The following CNTN4 variants were observed in gnomAD, a reference collection of about 807,000 sequenced individuals.
The protein encoded by CNTN4 is contactin-4.
In CNTN4, 77 loss-of-function variants were observed where a neutral mutation model predicts 122.5. The ratio of observed to expected loss-of-function variants is 0.63; its 90% CI spans 0.52 to 0.76. The LOEUF (loss-of-function observed/expected upper bound fraction) is 0.76, where lower values mean the gene tolerates loss of function less well. CNTN4 is among the 30% of genes least tolerant of loss of function. CNTN4 has a pLI of 0.00. For synonymous variants in CNTN4, 512 were observed against 447.0 expected (o/e 1.15, Z -1.83); for missense variants, 1,256 against 1,259.1 (o/e 1.00, Z 0.04).
chr3:2,749,199 C>T (rs529082700), intron 6 of CNTN4, among the ~76,000 whole-genome samples: 108 of 152,046 alleles, frequency 7.1e-4, no homozygotes, highest in African/African-American at 2.3e-3. Flanking sequence ...AGTCTTGCTC[C>T]GTCGCCCTAG....
chr3:2,311,521 A>G (rs1437895938), intron 2 of CNTN4, among the ~76,000 whole-genome samples: 1 of 152,102 alleles, frequency 6.6e-6, no homozygotes, highest in East Asian at 1.9e-4. Flanking sequence ...AATCATCTGA[A>G]GTAAAAGTAG....
chr3:2,592,603 C>T lies in CNTN4; in HGVS notation c.55+21045C>T, dbSNP rs73110658. Among the ~76,000 whole-genome samples, 9,969 of 152,198 alleles carry T rather than the reference C, an allele frequency of 0.066. 370 individuals carry two copies. Among genetic ancestry groups the T allele is most frequent in the South Asian group, 0.14 (654 of 4,818 alleles). ...CTCTGCACAAACTCTCTCTTTTTGCCTGCCAACATCCATGTAAGACAGAAC... is the reference window on the plus strand; with the variant it reads ...CTCTGCACAAACTCTCTCTTTTTGCTTGCCAACATCCATGTAAGACAGAAC... On this transcript the variant is annotated intron_variant, in intron 4 of 24. Transcript: ENST00000418658.
intron 13 of CNTN4, among the ~76,000 whole-genome samples, chr3:2,934,080 A>T (rs970763327): frequency 6.6e-6 from 1 of 152,180 alleles, no homozygotes; most frequent in Non-Finnish European, 1.5e-5. Flanking sequence ...ACCCTCAAAA[A>T]AATAATGGTG....
chr3:2,158,211 G>T (rs531066400), intron 2 of CNTN4, among the ~76,000 whole-genome samples: 2 of 152,246 alleles, frequency 1.3e-5, no homozygotes, highest in South Asian at 4.2e-4. Flanking sequence ...AGAAACTTGT[G>T]ACAAATGACT....
At chr3:2,701,824 C>G (rs1376163266) in intron 4 of CNTN4, among the ~76,000 whole-genome samples, 1 of 151,988 alleles carries the variant, frequency 6.6e-6, no homozygotes, top group Non-Finnish European at 1.5e-5. Flanking sequence ...GCAGTTTTTG[C>G]CATTTAAAAG....
At chr3:2,727,675 C>T (rs1212552598) in intron 4 of CNTN4, among the ~76,000 whole-genome samples, 1 of 152,186 alleles carries the variant, frequency 6.6e-6, no homozygotes, top group African/African-American at 2.4e-5. Context: ...TAAGATCTGG[C>T]ATTACAAACG....
intron 3 of CNTN4, among the ~76,000 whole-genome samples, chr3:2,392,216 C>G (rs1345642356): frequency 6.6e-6 from 1 of 152,218 alleles, no homozygotes; most frequent in Admixed American, 6.5e-5. Context: ...AAACAACTTT[C>G]ACGTCATCCC....
rs910165749 is a variant in CNTN4, at chr3:2,305,708, A to T, written c.-144-33470A>T. ...TCAGTGGTTTGTAGTATATTCTCAG[A>T]TTGTGCAGCCATTATCATTATTAAA... On this transcript the variant is annotated intron_variant, in intron 2 of 24. Coordinates refer to ENST00000418658, the MANE Select transcript of CNTN4 (RefSeq NM_175607.3). Among the ~76,000 whole-genome samples, 4 of 152,126 alleles carry T rather than the reference A, an allele frequency of 2.6e-5. No individual in the cohort carries two copies. In the East Asian group the frequency reaches 5.8e-4, roughly 22 times the overall value.
intron 13 of CNTN4, among the ~76,000 whole-genome samples, chr3:2,978,587 A>G (rs1693645319): frequency 6.6e-6 from 1 of 152,132 alleles, no homozygotes; most frequent in Non-Finnish European, 1.5e-5. Flanking sequence ...CAATTATTAG[A>G]TTGTTATTTT....
At chr3:2,378,137 A>G (rs2045890151) in intron 3 of CNTN4, among the ~76,000 whole-genome samples, 1 of 152,210 alleles carries the variant, frequency 6.6e-6, no homozygotes, top group South Asian at 2.1e-4. Context: ...GGAGAAATAG[A>G]TGCGACAAAT....
intron 6 of CNTN4, among the ~76,000 whole-genome samples, chr3:2,785,674 A>C (rs2149908543): frequency 6.6e-6 from 1 of 152,188 alleles, no homozygotes; most frequent in African/African-American, 2.4e-5. Context: ...GGTCAGGAAA[A>C]CCCCTCAGAT....
At chr3:2,375,368 CTTT>C (rs1344742324) in intron 3 of CNTN4, among the ~76,000 whole-genome samples, 2 of 152,144 alleles carry the variant, frequency 1.3e-5, no homozygotes, top group Non-Finnish European at 2.9e-5. Flanking sequence ...CTTTCTTTTT[CTTT>C]CTTCTTTTTC....
intron 3 of CNTN4, among the ~76,000 whole-genome samples, chr3:2,383,743 T>C (rs1327018884): frequency 2.7e-5 from 4 of 148,060 alleles, no homozygotes; most frequent in Non-Finnish European, 6.0e-5. Context: ...TCTTCTCTCT[T>C]CTCCCTCTCC....
At chr3:2,434,932 T>A (rs2048207215) in intron 3 of CNTN4, among the ~76,000 whole-genome samples, 1 of 152,212 alleles carries the variant, frequency 6.6e-6, no homozygotes, top group African/African-American at 2.4e-5. Flanking sequence ...GTCATTATTT[T>A]AAGTGAAGCT....
chr3:2,164,216 G>A (rs924240692), intron 2 of CNTN4, among the ~76,000 whole-genome samples: 25 of 151,066 alleles, frequency 1.7e-4, no homozygotes, highest in Admixed American at 1.6e-3. Flanking sequence ...AAAGAAGAAA[G>A]AGAGATTGCT....
chr3:2,572,333 C>A (rs949173549), intron 4 of CNTN4, among the ~76,000 whole-genome samples: 1 of 152,140 alleles, frequency 6.6e-6, no homozygotes, highest in Admixed American at 6.5e-5. Context: ...TTGCAGTGAG[C>A]CGAGATCGCG....
At chr3:2,170,967 A>T (rs888916577) in intron 2 of CNTN4, among the ~76,000 whole-genome samples, 2 of 152,224 alleles carry the variant, frequency 1.3e-5, no homozygotes, top group African/African-American at 2.4e-5. Flanking sequence ...TCTGAAACTT[A>T]AATATAGAAA....
chr3:3,045,578 A>G (rs1244105510), intron 23 of CNTN4, among the ~76,000 whole-genome samples: 1 of 152,264 alleles, frequency 6.6e-6, no homozygotes, highest in African/African-American at 2.4e-5. Context: ...CCTGACTGTT[A>G]GAAGGAACAC....
At position 2,927,466 on chromosome 3, in the gene CNTN4, C is replaced by G. The variant is rs145956829; in HGVS notation, c.1358+1687C>G. On this transcript the variant is annotated intron_variant, in intron 13 of 24. Transcript: ENST00000418658. ...GCACTTTCACTCACATTTCATTGGCCAAAACAGGTCACATGTTCCTGCAAC... is the reference window on the plus strand; with the variant it reads ...GCACTTTCACTCACATTTCATTGGCGAAAACAGGTCACATGTTCCTGCAAC... The G allele has an allele frequency of 1.1e-3, 396 of 345,712 alleles. 3 individuals are homozygous for G. Among genetic ancestry groups the G allele is most frequent in the South Asian group, 4.6e-3 (195 of 42,176 alleles). The allele number at this position is 345,712 out of a possible 1,614,324, so 21.4% of individuals were successfully genotyped here. A position where few individuals can be genotyped will look rare whatever the true frequency, so the allele number is the denominator to read the frequency against.
Sources: gnomAD v4.1 joint callset for allele counts (sites outside exome capture counted in the v4.1 genomes callset) on GRCh38, gnomAD v4.1.1 for gene constraint, MANE v1.5 for transcripts, NCBI Gene and HGNC (gene_info 2026-07-23, HGNC 2026-07-21) for gene names.